ONECUT3: variants seen among roughly 807,000 people sequenced by gnomAD.
ONECUT3 encodes one cut domain family member 3.
A neutral mutation model predicts 16.8 loss-of-function variants in ONECUT3; 11 were observed. That is an observed-to-expected ratio of 0.66 (90% CI 0.41 to 1.09). The LOEUF (loss-of-function observed/expected upper bound fraction) is 1.09, where lower values mean the gene tolerates loss of function less well. Ranked by LOEUF, ONECUT3 falls within the 50% of genes least tolerant of loss-of-function variation. The pLI is 0.00. For missense variants in ONECUT3, 637 were observed against 629.9 expected (o/e 1.01, Z -0.12); for synonymous variants, 344 against 310.7 (o/e 1.11, Z -1.13).
At chr19:1,761,635 C>G (rs2145959628) in intron 1 of ONECUT3, among the ~76,000 whole-genome samples, 1 of 152,280 alleles carries the variant, frequency 6.6e-6, no homozygotes, top group Admixed American at 6.5e-5. Context: ...CCCGGCTTAC[C>G]CGGGAGAGCT....
chr19:1,779,317 C>T lies in ONECUT3; in HGVS notation c.*3872C>T, dbSNP rs577583700. Reference sequence around the variant, plus strand: ...GAGGGAAAGTTAGAGGGAGCGTGATCGCGAGAGAGACTGCGGCAGAAAGGA... The same window carrying T: ...GAGGGAAAGTTAGAGGGAGCGTGATTGCGAGAGAGACTGCGGCAGAAAGGA... On this transcript the variant is annotated 3_prime_UTR_variant, in exon 2 of 2. Transcript: ENST00000382349. 1.4e-4 allele frequency: 21 copies of T among 152,056 alleles called. No homozygotes were observed. The highest frequency in any genetic ancestry group is 4.2e-4 in the South Asian group (2 of 4,814). 9.4% of individuals were successfully genotyped at this position (152,056 alleles called of 1,614,324 possible). A position where few individuals can be genotyped will look rare whatever the true frequency, so the allele number is the denominator to read the frequency against.
rs1223596994 is a variant in ONECUT3, at chr19:1,775,440, G to T, written c.1480G>T (p.Ala494Ser). 8 of 1,490,410 alleles carry T rather than the reference G, an allele frequency of 5.4e-6. No individual in the cohort carries two copies. Among genetic ancestry groups the T allele is most frequent in the Non-Finnish European group, 7.1e-6 (8 of 1,125,230 alleles). 92.3% of individuals were successfully genotyped at this position (1,490,410 alleles called of 1,614,324 possible). ...CGGCGCCACGGCCACTTTCTCCAAG[G>T]CCTGAGGCGCCCCGGCCCCGCGCCC... ...PAGATATFSK[A>S] Residue 494 changes from alanine (A) to serine (S), a missense_variant, in exon 2 of 2, where the codon GCC becomes TCC. Coordinates refer to ENST00000382349, the MANE Select transcript of ONECUT3 (RefSeq NM_001080488.2).
At chr19:1,773,904 G>A (rs1293006465) in intron 1 of ONECUT3, among the ~76,000 whole-genome samples, 4 of 152,308 alleles carry the variant, frequency 2.6e-5, no homozygotes, top group South Asian at 4.1e-4. Flanking sequence ...AGCAGGACTC[G>A]GCTTCAGCCC....
In ONECUT3 at chr19:1,759,893, TG is replaced by T. The variant is rs943216385; in HGVS notation, c.1192+5043del. Among the ~76,000 whole-genome samples the T allele has an allele frequency of 6.6e-6, 1 of 151,990 alleles. No individual in the cohort carries two copies. Among genetic ancestry groups the T allele is most frequent in the Non-Finnish European group, 1.5e-5 (1 of 67,988 alleles). On this transcript the variant is annotated intron_variant, in intron 1 of 1. Transcript: ENST00000382349. This position sits in a 1 kb window ranked among gnomAD's most constrained non-coding sequence, Gnocchi z 4.1. ...CAGGGCCACGAGAACCAGACCCACGTGGGGCTGCGCGCGAGACTCAGGTGAC... is the reference window on the plus strand; with the variant it reads ...CAGGGCCACGAGAACCAGACCCACGTGGGCTGCGCGCGAGACTCAGGTGAC...
At chr19:1,757,174 A>C (rs1182079519) in intron 1 of ONECUT3, among the ~76,000 whole-genome samples, 2 of 151,876 alleles carry the variant, frequency 1.3e-5, no homozygotes, top group Admixed American at 1.3e-4. Flanking sequence ...AGCAGCACCC[A>C]GCACCCGCCC....
In ONECUT3 at chr19:1,758,842, G is replaced by A. The variant is rs2067931761; in HGVS notation, c.1192+3988G>A. ...GAATTACCGTCTCTAATTCATCACC[G>A]TCGCCGGGTCGATAGCTTCGGCCGT... On this transcript the variant is annotated intron_variant, in intron 1 of 1. Transcript: ENST00000382349. The surrounding 1 kb of genome is among the most constrained non-coding windows in gnomAD (Gnocchi z 5.9). 6.6e-6 allele frequency among the ~76,000 whole-genome samples: 1 copy of A among 152,212 alleles called. No individual in the cohort carries two copies. Among genetic ancestry groups the A allele is most frequent in the Non-Finnish European group, 1.5e-5 (1 of 68,038 alleles).
Position 1,755,499 on chromosome 19 carries a change from G to A in ONECUT3, c.1192+645G>A, listed in dbSNP as rs1186532597. ...AGGTCACCCGAGAATGGCGGGGGAG[G>A]GGCGGCCCCGGGGACCCTCGGCCCG... On this transcript the variant is annotated intron_variant, in intron 1 of 1. Coordinates refer to ENST00000382349, the MANE Select transcript of ONECUT3 (RefSeq NM_001080488.2). The surrounding 1 kb of genome is among the most constrained non-coding windows in gnomAD (Gnocchi z 7.5). Among the ~76,000 whole-genome samples, 1 of 151,812 alleles carries A rather than the reference G, an allele frequency of 6.6e-6. No homozygotes were observed. Among genetic ancestry groups the A allele is most frequent in the Non-Finnish European group, 1.5e-5 (1 of 67,902 alleles).
rs946730406 is a variant in ONECUT3, at chr19:1,758,455, C to A, written c.1192+3601C>A. 6.6e-6 allele frequency among the ~76,000 whole-genome samples: 1 copy of A among 151,676 alleles called. No homozygotes were observed. Among genetic ancestry groups the A allele is most frequent in the African/African-American group, 2.4e-5 (1 of 41,334 alleles). Reference sequence around the variant, plus strand: ...CTTGGGAGAGGGGAATAGGTGTTTTCCTTGTTTCACCAAAGCACGCAAGAA... The same window carrying A: ...CTTGGGAGAGGGGAATAGGTGTTTTACTTGTTTCACCAAAGCACGCAAGAA... On this transcript the variant is annotated intron_variant, in intron 1 of 1. Coordinates refer to ENST00000382349, the MANE Select transcript of ONECUT3 (RefSeq NM_001080488.2). The surrounding 1 kb of genome is among the most constrained non-coding windows in gnomAD (Gnocchi z 5.9).
intron 1 of ONECUT3, among the ~76,000 whole-genome samples, chr19:1,773,058 G>A (rs1285254230): frequency 6.6e-6 from 1 of 151,908 alleles, no homozygotes; most frequent in Non-Finnish European, 1.5e-5. Context: ...TACTCTGGCT[G>A]TTATATATTC....
intron 1 of ONECUT3, among the ~76,000 whole-genome samples, chr19:1,767,918 C>A (rs1289831436): frequency 6.6e-6 from 1 of 152,144 alleles, no homozygotes; most frequent in Non-Finnish European, 1.5e-5. Context: ...CCCCGGGGAC[C>A]CCCAGGAACC....
rs574447313 is a variant in ONECUT3 at position 1,774,443 on chromosome 19, G to A, written c.1193-710G>A. ...AAAAAAAAAAAAGAAAAGAAAGAAA[G>A]GAAAGGCCCTGGTTAGCCCACCATT... is the stretch of plus-strand genomic sequence containing the variant. On this transcript the variant is annotated intron_variant, in intron 1 of 1. Transcript: ENST00000382349. 2.1e-4 allele frequency among the ~76,000 whole-genome samples: 32 copies of A among 151,812 alleles called. No individual in the cohort carries two copies. The South Asian group carries it at 6.3e-3, about 30-fold the overall frequency.
rs1222533288 is a variant in ONECUT3, at chr19:1,779,432, GGAGA to G, written c.*3993_*3996del. 1 of 151,444 alleles carries G rather than the reference GGAGA, an allele frequency of 6.6e-6. No individual in the cohort carries two copies. Among genetic ancestry groups the G allele is most frequent in the Non-Finnish European group, 1.5e-5 (1 of 67,868 alleles). 9.4% of individuals were successfully genotyped at this position (151,444 alleles called of 1,614,324 possible). On this transcript the variant is annotated 3_prime_UTR_variant, in exon 2 of 2. Transcript: ENST00000382349. ...GAGCGAGCGCAAGAGAGAGAGAGAG[GGAGA>G]GAGAGGGAGAGGGAGAGAGAGAGGC...
intron 1 of ONECUT3, among the ~76,000 whole-genome samples, chr19:1,768,066 G>C (rs961372481): frequency 3.9e-5 from 6 of 152,148 alleles, no homozygotes; most frequent in Non-Finnish European, 8.8e-5. Flanking sequence ...TCAGTCCCCA[G>C]GGTCCTGGAG....
chr19:1,774,011 C>T (rs1222198932), intron 1 of ONECUT3, among the ~76,000 whole-genome samples: 4 of 152,146 alleles, frequency 2.6e-5, no homozygotes, highest in South Asian at 4.1e-4. Flanking sequence ...GTGATCTGTG[C>T]GGGCTGACCA....
chr19:1,771,029 T>C (rs1004862537), intron 1 of ONECUT3, among the ~76,000 whole-genome samples: 51 of 152,252 alleles, frequency 3.3e-4, no homozygotes, highest in African/African-American at 9.6e-4. Context: ...AGCTGAGCCA[T>C]GTAGAGTACT....
chr19:1,774,526 A>G (rs1380976235), intron 1 of ONECUT3, among the ~76,000 whole-genome samples: 1 of 151,948 alleles, frequency 6.6e-6, no homozygotes. Flanking sequence ...TTAACCAGTT[A>G]TTTCACCCAA....
At chr19:1,767,496 A>G (rs1600349827) in intron 1 of ONECUT3, among the ~76,000 whole-genome samples, 1 of 152,126 alleles carries the variant, frequency 6.6e-6, no homozygotes, top group Admixed American at 6.5e-5. Context: ...CCAAATCCCA[A>G]GGGGTCTGCA....
In ONECUT3 at chr19:1,754,616, C is replaced by T. The variant is rs370471416; in HGVS notation, c.954C>T (p.Ala318=). 4.3e-3 allele frequency: 6,170 copies of T among 1,439,070 alleles called. 86 individuals carry two copies. The highest frequency in any genetic ancestry group is 0.031 in the South Asian group (2,291 of 74,862). 89.1% of individuals were successfully genotyped at this position (1,439,070 alleles called of 1,614,324 possible). The part of the protein sequence containing the change: ...SGGGPSAGAA[A]EEINTKEVAQ... ...GCGGCCCCAGCGCGGGCGCAGCGGCCGAGGAGATCAACACCAAGGAGGTGG... is the reference window on the plus strand; with the variant it reads ...GCGGCCCCAGCGCGGGCGCAGCGGCTGAGGAGATCAACACCAAGGAGGTGG... The change falls in exon 1 of 2, where the codon GCC becomes GCT. Residue 318 remains alanine (A), a synonymous_variant. Coordinates refer to ENST00000382349, the MANE Select transcript of ONECUT3 (RefSeq NM_001080488.2). This position sits in a 1 kb window ranked among gnomAD's most constrained non-coding sequence, Gnocchi z 7.4.
In ONECUT3 at chr19:1,779,657, T is replaced by C. The variant is rs886200356; in HGVS notation, c.*4212T>C. ...CTAATGTACTCTTTCTTGACGCTAA[T>C]TGTAATAAAGTGGTCAGGGTGGGGG... On this transcript the variant is annotated 3_prime_UTR_variant, in exon 2 of 2. Coordinates refer to ENST00000382349, the MANE Select transcript of ONECUT3 (RefSeq NM_001080488.2). 7.6e-5 allele frequency: 10 copies of C among 130,740 alleles called. No individual in the cohort carries two copies. The highest frequency in any genetic ancestry group is 4.1e-4 in the Admixed American group (5 of 12,262). 8.1% of individuals were successfully genotyped at this position (130,740 alleles called of 1,614,324 possible).
Sources: allele counts gnomAD v4.1 joint callset (sites outside exome capture counted in the v4.1 genomes callset), GRCh38; gene constraint gnomAD v4.1.1; non-coding constraint Gnocchi (gnomAD v3.1); transcripts MANE v1.5; gene names NCBI Gene and HGNC (gene_info 2026-07-23, HGNC 2026-07-21).